RHOH: variants seen among roughly 807,000 people sequenced by gnomAD.
RHOH encodes the protein ras homolog family member H.
In RHOH, 6 loss-of-function variants were observed where a neutral mutation model predicts 13.8. That is an observed-to-expected ratio of 0.44 (90% CI 0.24 to 0.86). The LOEUF (loss-of-function observed/expected upper bound fraction) is 0.86. Among genes scored for constraint, RHOH ranks in the 40% least tolerant of loss-of-function variants. RHOH has a pLI of 0.24. For synonymous variants in RHOH, 117 were observed against 103.0 expected (o/e 1.14, Z -0.82); for missense variants, 147 against 244.5 (o/e 0.60, Z 2.66).
At chr4:40,223,425 C>CA (rs1295220393) in intron 1 of RHOH, among the ~76,000 whole-genome samples, 1 of 148,158 alleles carries the variant, frequency 6.7e-6, no homozygotes, top group Non-Finnish European at 1.5e-5. Context: ...AACATTGAGG[C>CA]AAAAAGATTA....
At chr4:40,210,697 G>A (rs1194344958) in intron 1 of RHOH, among the ~76,000 whole-genome samples, 1 of 152,142 alleles carries the variant, frequency 6.6e-6, no homozygotes, top group African/African-American at 2.4e-5. Flanking sequence ...GTTGTGGTGG[G>A]GCGTAGATGG....
chr4:40,237,511 A>G (rs550176674), intron 1 of RHOH, among the ~76,000 whole-genome samples: 4 of 152,046 alleles, frequency 2.6e-5, no homozygotes, highest in South Asian at 2.1e-4. Context: ...GGGGAGCCCC[A>G]TGGCCTCATC....
chr4:40,238,515 AG>A (rs1388926669), intron 1 of RHOH, among the ~76,000 whole-genome samples: 4 of 152,222 alleles, frequency 2.6e-5, no homozygotes, highest in Non-Finnish European at 4.4e-5. Context: ...CAGAGTGGGC[AG>A]AAGGGCCCAA....
chr4:40,203,077 T>C (rs1724211057), intron 1 of RHOH, among the ~76,000 whole-genome samples: 2 of 152,214 alleles, frequency 1.3e-5, no homozygotes, highest in South Asian at 4.1e-4. Flanking sequence ...GTTCACGCCA[T>C]TCTCCTGCCT....
intron 1 of RHOH, among the ~76,000 whole-genome samples, chr4:40,211,050 A>C (rs1457055028): frequency 6.6e-6 from 1 of 152,222 alleles, no homozygotes; most frequent in Non-Finnish European, 1.5e-5. Flanking sequence ...AGAGAATGTC[A>C]TACATTAAAT....
intron 1 of RHOH, among the ~76,000 whole-genome samples, chr4:40,225,076 T>G (rs956238423): frequency 6.6e-6 from 1 of 152,186 alleles, no homozygotes; most frequent in African/African-American, 2.4e-5. Flanking sequence ...GCCCAACTAA[T>G]TAAAAGAACT....
At chr4:40,240,922 T>C (rs893026968) in intron 1 of RHOH, among the ~76,000 whole-genome samples, 9 of 152,126 alleles carry the variant, frequency 5.9e-5, no homozygotes, top group Non-Finnish European at 8.8e-5. Flanking sequence ...TTTGGGAGGC[T>C]GAGGTGGGAG....
chr4:40,230,659 C>G (rs1031662906), intron 1 of RHOH, among the ~76,000 whole-genome samples: 1 of 151,994 alleles, frequency 6.6e-6, no homozygotes, highest in African/African-American at 2.4e-5. Flanking sequence ...GCGCCTGGCT[C>G]TCAGCCTGGA....
intron 1 of RHOH, among the ~76,000 whole-genome samples, chr4:40,199,062 G>A (rs1175606778): frequency 6.6e-6 from 1 of 151,902 alleles, no homozygotes; most frequent in Non-Finnish European, 1.5e-5. Context: ...TCTGGGCTGT[G>A]GGAACCTCAG....
upstream of RHOH, among the ~76,000 whole-genome samples, chr4:40,196,394 A>G (rs1459998896): frequency 6.6e-6 from 1 of 152,312 alleles, no homozygotes; most frequent in African/African-American, 2.4e-5. Flanking sequence ...CCATTAGGAC[A>G]AAACAAGTAA....
chr4:40,220,944 G>C (rs1455193927), intron 1 of RHOH, among the ~76,000 whole-genome samples: 1 of 152,076 alleles, frequency 6.6e-6, no homozygotes, highest in African/African-American at 2.4e-5. Context: ...TTATCCTATT[G>C]CTATGTATCT....
chr4:40,223,329 C>T (rs1023529538), intron 1 of RHOH, among the ~76,000 whole-genome samples: 23 of 152,266 alleles, frequency 1.5e-4, no homozygotes, highest in African/African-American at 5.3e-4. Flanking sequence ...ATCAGTGTGG[C>T]AAACTTCATT....
intron 1 of RHOH, among the ~76,000 whole-genome samples, chr4:40,203,217 C>A (rs1229552554): frequency 6.6e-6 from 1 of 152,186 alleles, no homozygotes; most frequent in African/African-American, 2.4e-5. Flanking sequence ...CGTGATCCGC[C>A]CGCCTCGGCC....
rs1729652819 is a variant in RHOH at position 40,244,707 on chromosome 4, T to G, written c.*745T>G. The stretch of plus-strand genomic sequence containing the variant: ...TCCAGTTATGCACTAAATATTCTCC[T>G]CTCATTCACCAAGATTGATTGAAAC... On this transcript the variant is annotated 3_prime_UTR_variant, in exon 3 of 3. Transcript: ENST00000381799. The G allele has an allele frequency of 5.5e-6, 1 of 183,400 alleles. No homozygotes were observed. Among genetic ancestry groups the G allele is most frequent in the Non-Finnish European group, 1.2e-5 (1 of 84,870 alleles). The allele number at this position is 183,400 out of a possible 1,614,324, so 11.4% of individuals were successfully genotyped here. A position where few individuals can be genotyped will look rare whatever the true frequency, so the allele number is the denominator to read the frequency against.
Position 40,218,849 on chromosome 4 carries a change from C to T in RHOH, c.-331+21549C>T, listed in dbSNP as rs6531762. On this transcript the variant is annotated intron_variant, in intron 1 of 2. Coordinates refer to ENST00000381799, the MANE Select transcript of RHOH (RefSeq NM_004310.5). The surrounding 1 kb of genome is among the most constrained non-coding windows in gnomAD (Gnocchi z 4.1). ...AGAGCTGGGATTCAAGCCTGATGGT[C>T]AGTCCAGGGCTCTGATCACCACAAG... is the stretch of plus-strand genomic sequence containing the variant. Among the ~76,000 whole-genome samples the T allele has an allele frequency of 0.63, 95,893 of 152,066 alleles. 32,223 individuals are homozygous for T. The highest frequency in any genetic ancestry group is 0.75 in the Non-Finnish European group (50,863 of 67,974).
At chr4:40,194,261 C>G (rs1044395589), upstream of RHOH, among the ~76,000 whole-genome samples, 2 of 151,930 alleles carry the variant, frequency 1.3e-5, no homozygotes, top group African/African-American at 4.8e-5. Flanking sequence ...TGACGTCTCA[C>G]TCTGTTGCCC....
At chr4:40,207,614 G>A (rs1724794810) in intron 1 of RHOH, among the ~76,000 whole-genome samples, 1 of 152,162 alleles carries the variant, frequency 6.6e-6, no homozygotes, top group South Asian at 2.1e-4. Flanking sequence ...CACATATATG[G>A]AAGGAAAAAT....
At chr4:40,215,789 G>T (rs1053802914) in intron 1 of RHOH, among the ~76,000 whole-genome samples, 2 of 152,140 alleles carry the variant, frequency 1.3e-5, no homozygotes, top group African/African-American at 4.8e-5. Flanking sequence ...GTGTGGTGGT[G>T]CATGCCTGTA....
intron 1 of RHOH, among the ~76,000 whole-genome samples, chr4:40,204,932 C>G (rs1201389434): frequency 6.6e-6 from 1 of 152,230 alleles, no homozygotes; most frequent in East Asian, 1.9e-4. Flanking sequence ...ACTTTAATGT[C>G]TTACTTATCA....
Sources: gnomAD v4.1 joint callset for allele counts (sites outside exome capture counted in the v4.1 genomes callset) on GRCh38, gnomAD v4.1.1 for gene constraint, Gnocchi (gnomAD v3.1) non-coding constraint, MANE v1.5 for transcripts, NCBI Gene and HGNC (gene_info 2026-07-23, HGNC 2026-07-21) for gene names.